Variants in TMCC2 observed in about 807,000 individuals in gnomAD.
The protein encoded by TMCC2 is transmembrane and coiled-coil domain family 2.
Under a neutral mutation model 49.4 loss-of-function variants are expected in TMCC2, and 16 were observed. That is an observed-to-expected ratio of 0.32 (90% CI 0.22 to 0.49). The LOEUF (loss-of-function observed/expected upper bound fraction) is 0.49. TMCC2 is among the 20% of genes least tolerant of loss of function. TMCC2 has a pLI of 0.99. For missense variants in TMCC2, 762 were observed against 989.8 expected (o/e 0.77, Z 3.09); for synonymous variants, 397 against 434.1 (o/e 0.91, Z 1.06).
At chr1:205,238,678 C>T (rs184846072) in intron 1 of TMCC2, among the ~76,000 whole-genome samples, 1 of 152,166 alleles carries the variant, frequency 6.6e-6, no homozygotes, top group Admixed American at 6.5e-5. Flanking sequence ...GCCTCTGATA[C>T]TATTCTGGGA....
intron 1 of TMCC2, 90 bp downstream of exon 1, chr1:205,228,861 G>T: frequency 6.8e-7 from 1 of 1,473,226 alleles, no homozygotes. Context: ...TAAAAGTGAG[G>T]GGGGAAGCCA....
At position 205,228,786 on chromosome 1, in the gene TMCC2, T is replaced by TC; in HGVS notation, c.207+21dup. 1.3e-6 allele frequency: 2 copies of TC among 1,573,928 alleles called. No homozygotes were observed. Among genetic ancestry groups the TC allele is most frequent in the Non-Finnish European group, 8.6e-7 (1 of 1,160,408 alleles). On this transcript the variant is annotated intron_variant, in intron 1 of 4. Transcript: ENST00000358024. ...CTGATTTAAAGGTGAGCGCAGACCA[T>TC]CCCCCCGGCAAGCCCAGCCCGCGAC... is the stretch of plus-strand genomic sequence containing the variant.
At chr1:205,240,093 C>T (rs1452834921) in intron 1 of TMCC2, among the ~76,000 whole-genome samples, 1 of 152,238 alleles carries the variant, frequency 6.6e-6, no homozygotes, top group Non-Finnish European at 1.5e-5. Flanking sequence ...CATTGAGTCC[C>T]AAATGGCTGG....
intron 2 of TMCC2, among the ~76,000 whole-genome samples, chr1:205,249,534 A>G (rs1033469662): frequency 6.6e-6 from 1 of 152,210 alleles, no homozygotes; most frequent in African/African-American, 2.4e-5. Context: ...GGCCCCTGGT[A>G]TAACTGAACT....
intron 2 of TMCC2, among the ~76,000 whole-genome samples, chr1:205,242,999 C>T (rs1660329691): frequency 6.6e-6 from 1 of 152,202 alleles, no homozygotes; most frequent in African/African-American, 2.4e-5. Flanking sequence ...CACAAAAGGC[C>T]TTGCCATGTT....
intron 2 of TMCC2, among the ~76,000 whole-genome samples, chr1:205,247,404 G>A (rs150115116): frequency 2.0e-5 from 3 of 152,178 alleles, no homozygotes; most frequent in Admixed American, 6.5e-5. Flanking sequence ...GCCTCAGCCC[G>A]AGTGGGATGA....
chr1:205,233,571 C>A (rs973964874), intron 1 of TMCC2, among the ~76,000 whole-genome samples: 3 of 152,188 alleles, frequency 2.0e-5, no homozygotes, highest in Admixed American at 6.5e-5. Context: ...TCCTTCACCA[C>A]TCCTGCAGAG....
chr1:205,271,933 A>G lies in TMCC2; in HGVS notation c.1939A>G (p.Ile647Val). ...CGCGCGGGCGCTGCTGGGCAAGTTC[A>G]TCAACGTGATCCTGGCGCTCATGGC... ...ANARALLGKF[I>V]NVILALMAVL... The change falls in exon 5 of 5, where the codon ATC becomes GTC. Residue 647 changes from isoleucine (I) to valine (V), a missense_variant. Physicochemically the swap from Ile to Val is conservative, Grantham distance 29. Transcript: ENST00000358024. The G allele has an allele frequency of 6.2e-7, 1 of 1,614,218 alleles. No individual in the cohort carries two copies.
chr1:205,237,960 C>T lies in TMCC2; in HGVS notation c.208-3545C>T, dbSNP rs115457507. ...GTTCTGGGGACGGCACTTCTTGCTT[C>T]GGTCTTACAGATCATGAAAGCCCTG... On this transcript the variant is annotated intron_variant, in intron 1 of 4. Coordinates refer to ENST00000358024, the MANE Select transcript of TMCC2 (RefSeq NM_014858.4). Among the ~76,000 whole-genome samples, 1,478 of 152,310 alleles carry T rather than the reference C, an allele frequency of 9.7e-3. 20 individuals carry two copies. Among genetic ancestry groups the T allele is most frequent in the African/African-American group, 0.033 (1,389 of 41,566 alleles).
intron 1 of TMCC2, among the ~76,000 whole-genome samples, chr1:205,235,256 C>T (rs1012939770): frequency 3.9e-5 from 6 of 152,006 alleles, no homozygotes; most frequent in African/African-American, 1.5e-4. Context: ...AACTGGTGAC[C>T]GATGGGAAAG....
intron 1 of TMCC2, among the ~76,000 whole-genome samples, chr1:205,230,664 C>T (rs1659754593): frequency 6.6e-6 from 1 of 152,138 alleles, no homozygotes; most frequent in Non-Finnish European, 1.5e-5. Flanking sequence ...AAATTCCCCA[C>T]TCTCCAACTC....
intron 1 of TMCC2, among the ~76,000 whole-genome samples, chr1:205,240,370 C>T (rs1660218931): frequency 2.6e-5 from 4 of 152,240 alleles, no homozygotes; most frequent in South Asian, 4.1e-4. Flanking sequence ...GTGGCCTGGG[C>T]GGCACCGGGT....
chr1:205,230,165 C>G, intron 1 of TMCC2: 2 of 985,460 alleles, frequency 2.0e-6, no homozygotes, highest in Non-Finnish European at 2.4e-6. Flanking sequence ...GAAGTCAGAG[C>G]GCAGGTGAGT....
intron 1 of TMCC2, among the ~76,000 whole-genome samples, chr1:205,235,258 A>G (rs1659992213): frequency 6.6e-6 from 1 of 151,692 alleles, no homozygotes. Context: ...CTGGTGACCG[A>G]TGGGAAAGCA....
chr1:205,250,499 C>T (rs2102565970), intron 2 of TMCC2, among the ~76,000 whole-genome samples: 1 of 152,108 alleles, frequency 6.6e-6, no homozygotes, highest in Non-Finnish European at 1.5e-5. Flanking sequence ...TGAGATCGCG[C>T]CATTACACTC....
rs1234789387 is a variant in TMCC2, at chr1:205,241,115, C to T, written c.208-390C>T. Reference sequence around the variant, plus strand: ...TAGTACAGCTTGAAGGGTCGTCTAACTTGGAAGGAGGGAAGGACTGGGGGT... The same window carrying T: ...TAGTACAGCTTGAAGGGTCGTCTAATTTGGAAGGAGGGAAGGACTGGGGGT... On this transcript the variant is annotated intron_variant, in intron 1 of 4. Transcript: ENST00000358024. This position sits in a 1 kb window ranked among gnomAD's most constrained non-coding sequence, Gnocchi z 7.3. 6.6e-6 allele frequency among the ~76,000 whole-genome samples: 1 copy of T among 152,074 alleles called. No individual in the cohort carries two copies. Among genetic ancestry groups the T allele is most frequent in the Non-Finnish European group, 1.5e-5 (1 of 68,012 alleles).
At chr1:205,248,570 G>A (rs879437090) in intron 2 of TMCC2, among the ~76,000 whole-genome samples, 14 of 152,204 alleles carry the variant, frequency 9.2e-5, no homozygotes, top group Admixed American at 9.2e-4. Context: ...AGAGAATGCA[G>A]GTTTTCCATC....
intron 2 of TMCC2, among the ~76,000 whole-genome samples, chr1:205,254,154 G>T (rs1435804378): frequency 1.3e-5 from 2 of 152,226 alleles, no homozygotes; most frequent in African/African-American, 2.4e-5. Context: ...AAGTGGCAGG[G>T]TGTGGATTTT....
rs550877492 is a variant in TMCC2 at position 205,267,890 on chromosome 1, C to T, written c.748-1060C>T. On this transcript the variant is annotated intron_variant, in intron 2 of 4. Coordinates refer to ENST00000358024, the MANE Select transcript of TMCC2 (RefSeq NM_014858.4). Reference sequence around the variant, plus strand: ...TAGCCTCAGGCCCCCAAACTGGTCCCTGCTTCCCTTGGCCTTTGAGTTACT... The same window carrying T: ...TAGCCTCAGGCCCCCAAACTGGTCCTTGCTTCCCTTGGCCTTTGAGTTACT... 2.5e-4 allele frequency: 250 copies of T among 985,304 alleles called. No individual in the cohort carries two copies. In the African/African-American group the frequency reaches 4.2e-3, roughly 17 times the overall value. 61.0% of individuals were successfully genotyped at this position (985,304 alleles called of 1,614,324 possible). A position where few individuals can be genotyped will look rare whatever the true frequency, so the allele number is the denominator to read the frequency against.
Sources: gnomAD v4.1 joint callset for allele counts (sites outside exome capture counted in the v4.1 genomes callset) on GRCh38, gnomAD v4.1.1 for gene constraint, Gnocchi (gnomAD v3.1) non-coding constraint, MANE v1.5 for transcripts, NCBI Gene and HGNC (gene_info 2026-07-23, HGNC 2026-07-21) for gene names.